The following FAM117A variants were observed in gnomAD, a reference collection of about 807,000 sequenced individuals.
FAM117A encodes the protein family with sequence similarity 117 member A.
In FAM117A, 21 loss-of-function variants were observed where a neutral mutation model predicts 44.1. That is an observed-to-expected ratio of 0.48 (90% CI 0.34 to 0.69). FAM117A has a LOEUF of 0.69. Ranked by LOEUF, FAM117A falls within the 30% of genes least tolerant of loss-of-function variation. The probability of loss-of-function intolerance (pLI) is 0.01; values close to 1 mark genes in which losing one functional copy is unlikely to be tolerated. For synonymous variants in FAM117A, 220 were observed against 238.3 expected, an observed-to-expected ratio of 0.92 and a Z score of 0.71; for missense variants, 498 against 589.9, an observed-to-expected ratio of 0.84 and a Z score of 1.61.
upstream of FAM117A, among the ~76,000 whole-genome samples, chr17:49,768,204 G>C (rs561728566): frequency 6.6e-6 from 1 of 152,266 alleles, no homozygotes; most frequent in Non-Finnish European, 1.5e-5. Context: ...ACTTCTGGCA[G>C]ATCAGAGGAT....
upstream of FAM117A, chr17:49,788,608 T>C: frequency 2.1e-6 from 1 of 486,466 alleles, no homozygotes. Context: ...GCACCCTCTC[T>C]GGCCCGTAAC....
intron 5 of FAM117A, among the ~76,000 whole-genome samples, chr17:49,718,339 T>C (rs1388098977): frequency 6.6e-6 from 1 of 152,238 alleles, no homozygotes; most frequent in East Asian, 1.9e-4. Context: ...ATTGGCCAAC[T>C]GGCATTCCCC....
intron 1 of FAM117A, among the ~76,000 whole-genome samples, chr17:49,785,985 T>C (rs191841859): frequency 5.3e-5 from 8 of 152,340 alleles, no homozygotes; most frequent in Admixed American, 2.0e-4. Context: ...GGAAAGCTAA[T>C]TGTGTTGTGA....
At chr17:49,786,718 G>A (rs886898034) in intron 1 of FAM117A, among the ~76,000 whole-genome samples, 37 of 150,286 alleles carry the variant, frequency 2.5e-4, no homozygotes, top group Non-Finnish European at 4.6e-4. Flanking sequence ...CGGAGGCTGC[G>A]GTGAGCCGAG....
At chr17:49,741,290 G>A (rs1598027964) in intron 1 of FAM117A, among the ~76,000 whole-genome samples, 1 of 151,954 alleles carries the variant, frequency 6.6e-6, no homozygotes, top group Non-Finnish European at 1.5e-5. Flanking sequence ...TTTTATTTTT[G>A]ATTTTTTGAT....
intron 6 of FAM117A, 105 bp from the exon 7 acceptor site, chr17:49,716,420 A>T: frequency 1.0e-6 from 1 of 1,004,802 alleles, no homozygotes. Context: ...ACACATGGTA[A>T]GGAAGAGGGT....
chr17:49,781,894 T>C (rs780323191), intron 1 of FAM117A, among the ~76,000 whole-genome samples: 1 of 152,106 alleles, frequency 6.6e-6, no homozygotes, highest in Non-Finnish European at 1.5e-5. Flanking sequence ...GAGGATCGCT[T>C]GAAACCAGGA....
intron 4 of FAM117A, 138 bp downstream of exon 4, chr17:49,720,188 C>T (rs2073526829): frequency 1.4e-6 from 1 of 727,926 alleles, no homozygotes; most frequent in South Asian, 1.8e-5. Flanking sequence ...ACAGCAAGAC[C>T]AAGTTTGGAC....
upstream of FAM117A, among the ~76,000 whole-genome samples, chr17:49,767,714 C>A (rs2073749255): frequency 6.6e-6 from 1 of 152,066 alleles, no homozygotes; most frequent in Admixed American, 6.6e-5. Flanking sequence ...ACCAGCCTGG[C>A]CAAGATGGTG....
In FAM117A at chr17:49,719,914, C is replaced by T. The variant is rs763374167; in HGVS notation, c.574-20G>A. 3 of 1,593,990 alleles carry T rather than the reference C, an allele frequency of 1.9e-6. No individual in the cohort carries two copies. The highest frequency in any genetic ancestry group is 2.7e-5 in the African/African-American group (2 of 74,190). On this transcript the variant is annotated intron_variant, in intron 4 of 7. Transcript: ENST00000240364. ...GGACGCCTGAGGAAGAGGCAAATGACAAAATCACACACAGCCCCACCAGGC... is the reference window on the plus strand; with the variant it reads ...GGACGCCTGAGGAAGAGGCAAATGATAAAATCACACACAGCCCCACCAGGC...
chr17:49,773,108 A>T (rs1417105624), intron 1 of FAM117A, among the ~76,000 whole-genome samples: 1 of 152,128 alleles, frequency 6.6e-6, no homozygotes, highest in Non-Finnish European at 1.5e-5. Flanking sequence ...ATTCAAGACC[A>T]GCCTGGCCAA....
chr17:49,718,590 G>A (rs1463258191), intron 5 of FAM117A, among the ~76,000 whole-genome samples: 4 of 151,670 alleles, frequency 2.6e-5, no homozygotes, highest in African/African-American at 9.7e-5. Flanking sequence ...AGAATGGCGT[G>A]AACCCAGGAG....
intron 2 of FAM117A, among the ~76,000 whole-genome samples, chr17:49,723,709 G>A (rs1484807626): frequency 6.6e-6 from 1 of 152,116 alleles, no homozygotes; most frequent in Non-Finnish European, 1.5e-5. Context: ...GCTGCTAAGA[G>A]GAGCTCGGCG....
intron 1 of FAM117A, among the ~76,000 whole-genome samples, chr17:49,735,218 C>T (rs1033996033): frequency 2.6e-5 from 4 of 152,002 alleles, no homozygotes; most frequent in African/African-American, 9.7e-5. Flanking sequence ...ATGGTGAAAC[C>T]TCATCTACTA....
chr17:49,789,045 T>G, upstream of FAM117A: 2 of 430,786 alleles, frequency 4.6e-6, no homozygotes, highest in Non-Finnish European at 8.4e-6. Flanking sequence ...CTTGCAACTA[T>G]TCCCGCCCTC....
At position 49,764,005 on chromosome 17, in the gene FAM117A, CAGCCCCGCCGG is replaced by C. The variant is rs2073734552; in HGVS notation, c.72_82del (p.Arg25LeufsTer52). 1.7e-6 allele frequency: 2 copies of C among 1,209,620 alleles called. No homozygotes were observed. 74.9% of individuals were successfully genotyped at this position (1,209,620 alleles called of 1,614,324 possible). ...GGAGCCGGCGGGGGCTGGGGGAGAG[CAGCCCCGCCGG>C]AGCCCCCCGGCCCCTCCGCGCCCCG... On this transcript the variant is annotated frameshift_variant, in exon 1 of 8. Transcript: ENST00000240364. LOFTEE classifies it high-confidence loss of function.
chr17:49,746,772 G>A (rs942470839), intron 1 of FAM117A, among the ~76,000 whole-genome samples: 3 of 152,216 alleles, frequency 2.0e-5, no homozygotes, highest in Non-Finnish European at 4.4e-5. Flanking sequence ...GCTAAACGGA[G>A]GGTAGCTTGA....
chr17:49,739,450 T>G (rs1005268357), intron 1 of FAM117A, among the ~76,000 whole-genome samples: 3 of 152,130 alleles, frequency 2.0e-5, no homozygotes, highest in Admixed American at 2.0e-4. Context: ...AGGTCAACAC[T>G]TAAGTTCTGC....
chr17:49,719,653 C>A (rs1044591249), intron 5 of FAM117A, 107 bp downstream of exon 5: 3 of 1,329,590 alleles, frequency 2.3e-6, no homozygotes, highest in East Asian at 2.7e-5. Context: ...CTGCTGTTTG[C>A]GTAGCCATAG....
Sources: allele counts gnomAD v4.1 joint callset (sites outside exome capture counted in the v4.1 genomes callset), GRCh38; gene constraint gnomAD v4.1.1; transcripts MANE v1.5; gene names NCBI Gene and HGNC (gene_info 2026-07-23, HGNC 2026-07-21).